PASD1: variants seen among roughly 807,000 people sequenced by gnomAD.
PASD1 encodes circadian clock protein PASD1.
A neutral mutation model predicts 58.8 loss-of-function variants in PASD1; 13 were observed. The observed-to-expected ratio is 0.22, with a 90% CI of 0.14 to 0.35. The LOEUF is 0.35. Among genes scored for constraint, PASD1 ranks in the 10% least tolerant of loss-of-function variants. PASD1 has a pLI of 1.00. For missense variants in PASD1, 734 were observed against 568.3 expected (o/e 1.29, Z -2.96); for synonymous variants, 236 against 216.7 (o/e 1.09, Z -0.78).
At chrX:151,660,614 T>C (rs746077641) in intron 10 of PASD1, among the ~76,000 whole-genome samples, 14 of 112,568 alleles carry the variant, frequency 1.2e-4, no homozygotes, top group African/African-American at 4.2e-4. Flanking sequence ...TTGATTGCTT[T>C]AAACCTATTT....
At chrX:151,597,888 G>T (rs1376984772) in intron 1 of PASD1, among the ~76,000 whole-genome samples, 1 of 110,860 alleles carries the variant, frequency 9.0e-6, no homozygotes, top group African/African-American at 3.3e-5. Context: ...CTGCCACCAC[G>T]CCCAGCTATG....
intron 1 of PASD1, among the ~76,000 whole-genome samples, chrX:151,586,292 G>C (rs1377396464): frequency 8.9e-6 from 1 of 112,340 alleles, no homozygotes; most frequent in Non-Finnish European, 1.9e-5. Context: ...AGAGCTTTTA[G>C]AGTAATCACT....
chrX:151,566,663 A>G (rs768713040), intron 1 of PASD1, among the ~76,000 whole-genome samples: 1 of 112,311 alleles, frequency 8.9e-6, no homozygotes, highest in African/African-American at 3.2e-5. Context: ...ATTTTGGAAT[A>G]CATGTAATTT....
intron 11 of PASD1, among the ~76,000 whole-genome samples, chrX:151,669,950 G>A (rs1018001690): frequency 2.7e-5 from 3 of 111,649 alleles, no homozygotes; most frequent in Admixed American, 9.6e-5. Flanking sequence ...TGTATTTTTC[G>A]TTCTATAAGG....
chrX:151,676,294 G>A lies in PASD1; in HGVS notation c.*151G>A. On this transcript the variant is annotated 3_prime_UTR_variant, in exon 16 of 16. Transcript: ENST00000370357. ...ATTTGTTTCCTGATAGGTTATGTTTGTAATTGTTTGTTAAGCACAGCCTGT... is the reference window on the plus strand; with the variant it reads ...ATTTGTTTCCTGATAGGTTATGTTTATAATTGTTTGTTAAGCACAGCCTGT... 1.8e-6 allele frequency: 1 copy of A among 568,442 alleles called. No homozygotes were observed. Among genetic ancestry groups the A allele is most frequent in the Admixed American group, 4.4e-5 (1 of 22,943 alleles). The allele number at this position is 568,442 out of a possible 1,213,427, so 46.8% of individuals were successfully genotyped here. A position where few individuals can be genotyped will look rare whatever the true frequency, so the allele number is the denominator to read the frequency against.
intron 8 of PASD1, among the ~76,000 whole-genome samples, chrX:151,634,939 C>T (rs919249426): frequency 9.0e-6 from 1 of 111,693 alleles, no homozygotes; most frequent in African/African-American, 3.2e-5. Context: ...GTCTTAGTAC[C>T]TGTTGATAAT....
In PASD1 at chrX:151,630,284, G is replaced by C. The variant is rs752059828; in HGVS notation, c.629+4754G>C. Among the ~76,000 whole-genome samples, 497 of 111,493 alleles carry C rather than the reference G, an allele frequency of 4.5e-3. 2 individuals are homozygous for C. Among genetic ancestry groups the C allele is most frequent in the Middle Eastern group, 9.3e-3 (2 of 215 alleles). The stretch of plus-strand genomic sequence containing the variant: ...GCTCTCATGTGATGGATTGTTGGTG[G>C]ACCTGGCTGGCCCACTAACCTGAAC... On this transcript the variant is annotated intron_variant, in intron 8 of 15. Transcript: ENST00000370357.
intron 1 of PASD1, among the ~76,000 whole-genome samples, chrX:151,569,755 G>A (rs1602898085): frequency 9.0e-6 from 1 of 110,768 alleles, no homozygotes; most frequent in Admixed American, 9.7e-5. Flanking sequence ...GGCTGAGGGT[G>A]GGGTGGGGAG....
At chrX:151,658,061 C>G (rs976854908) in intron 9 of PASD1, among the ~76,000 whole-genome samples, 5 of 111,340 alleles carry the variant, frequency 4.5e-5, no homozygotes, top group African/African-American at 1.6e-4. Context: ...CCCCTCTCCC[C>G]CTACATATTT....
chrX:151,675,580 C>T (rs1010860656), intron 15 of PASD1, among the ~76,000 whole-genome samples: 7 of 112,438 alleles, frequency 6.2e-5, no homozygotes, highest in Non-Finnish European at 1.3e-4. Context: ...CCTCCACACC[C>T]CAGTGTGGGT....
chrX:151,580,006 A>G (rs2013061712), intron 1 of PASD1, among the ~76,000 whole-genome samples: 1 of 111,969 alleles, frequency 8.9e-6, no homozygotes, highest in African/African-American at 3.2e-5. Flanking sequence ...AGGGCATTTA[A>G]GAAAAAGTAT....
At chrX:151,636,011 C>G (rs149115534) in intron 8 of PASD1, among the ~76,000 whole-genome samples, 1 of 111,285 alleles carries the variant, frequency 9.0e-6, no homozygotes, top group African/African-American at 3.3e-5. Context: ...ATTTTTACTT[C>G]TTAATTAAAA....
chrX:151,613,660 C>T (rs188943306), intron 4 of PASD1, among the ~76,000 whole-genome samples: 1 of 111,511 alleles, frequency 9.0e-6, no homozygotes, highest in East Asian at 2.8e-4. Flanking sequence ...GATTTTTGCA[C>T]ATTGATTTTG....
chrX:151,627,846 C>T (rs900160441), intron 8 of PASD1, among the ~76,000 whole-genome samples: 1 of 111,695 alleles, frequency 9.0e-6, no homozygotes, highest in African/African-American at 3.3e-5. Context: ...TCCTATTTCT[C>T]CACATCCTCT....
rs901932616 is a variant in PASD1 at position 151,604,242 on chromosome X, T to C, written c.29-404T>C. The stretch of plus-strand genomic sequence containing the variant: ...AGCTTAAATAGATGAAGCTAAAGAG[T>C]GGAATTTCATAATTTAGTTAGGACT... On this transcript the variant is annotated intron_variant, in intron 2 of 15. Coordinates refer to ENST00000370357, the MANE Select transcript of PASD1 (RefSeq NM_173493.3). 2.2e-4 allele frequency among the ~76,000 whole-genome samples: 25 copies of C among 111,371 alleles called. 1 individual carries two copies. The highest frequency in any genetic ancestry group is 8.2e-4 in the African/African-American group (25 of 30,596).
intron 1 of PASD1, among the ~76,000 whole-genome samples, chrX:151,585,878 G>A (rs2013157050): frequency 9.0e-6 from 1 of 111,637 alleles, no homozygotes; most frequent in Non-Finnish European, 1.9e-5. Flanking sequence ...AATTTTTGTT[G>A]TTTCAACCAA....
At chrX:151,607,354 A>T (rs1792929545) in intron 3 of PASD1, among the ~76,000 whole-genome samples, 1 of 111,919 alleles carries the variant, frequency 8.9e-6, no homozygotes, top group African/African-American at 3.3e-5. Context: ...ACAATTACTT[A>T]CCCATTTTGC....
chrX:151,611,862 C>CGTTGTGCACATGT, intron 4 of PASD1, 109 bp downstream of exon 4: 1 of 527,820 alleles, frequency 1.9e-6, no homozygotes, highest in Non-Finnish European at 3.0e-6. Context: ...TACATGTGCA[C>CGTTGTGCACATGT]AACGTGCAGG....
intron 1 of PASD1, among the ~76,000 whole-genome samples, chrX:151,585,860 T>C (rs946814565): frequency 3.6e-5 from 4 of 111,913 alleles, no homozygotes; most frequent in African/African-American, 1.3e-4. Flanking sequence ...AGAAATTTAA[T>C]TCTACCGAAT....
Sources: allele counts gnomAD v4.1 joint callset (sites outside exome capture counted in the v4.1 genomes callset), GRCh38; gene constraint gnomAD v4.1.1; transcripts MANE v1.5; gene names NCBI Gene and HGNC (gene_info 2026-07-23, HGNC 2026-07-21).